RBFOX1: variants seen among roughly 807,000 people sequenced by gnomAD.
RBFOX1 encodes RNA binding fox-1 homolog 1.
RBFOX1 carries 8 observed loss-of-function variants against 57.7 expected under a neutral mutation model. That is an observed-to-expected ratio of 0.14 (90% CI 0.08 to 0.25). The LOEUF (loss-of-function observed/expected upper bound fraction) is 0.25, where lower values mean the gene tolerates loss of function less well. RBFOX1 is among the 10% of genes least tolerant of loss of function. The probability of loss-of-function intolerance (pLI) is 1.00; values close to 1 mark genes in which losing one functional copy is unlikely to be tolerated. For missense variants in RBFOX1, 611 were observed against 548.5 expected (o/e 1.11, Z -1.14); for synonymous variants, 326 against 222.4 (o/e 1.47, Z -4.15).
intron 3 of RBFOX1, among the ~76,000 whole-genome samples, chr16:6,844,213 A>G (rs987396124): frequency 1.3e-5 from 2 of 151,602 alleles, no homozygotes; most frequent in African/African-American, 4.9e-5. Context: ...TCATGTTTTA[A>G]GTTCAGGGGT....
intron 4 of RBFOX1, among the ~76,000 whole-genome samples, chr16:5,919,663 A>C (rs867126394): frequency 6.6e-6 from 1 of 152,042 alleles, no homozygotes; most frequent in African/African-American, 2.4e-5. Context: ...AAAGCGTATA[A>C]TTCCATGGTA....
At chr16:7,306,827 A>G (rs548248001) in intron 4 of RBFOX1, among the ~76,000 whole-genome samples, 29 of 152,312 alleles carry the variant, frequency 1.9e-4, no homozygotes, top group African/African-American at 7.0e-4. Flanking sequence ...TCGGCTGATT[A>G]AGAGTGTGAA....
At chr16:6,069,543 G>T (rs2095810063) in intron 1 of RBFOX1, among the ~76,000 whole-genome samples, 1 of 151,588 alleles carries the variant, frequency 6.6e-6, no homozygotes, top group Admixed American at 6.6e-5. Context: ...GATTAATTTT[G>T]GCATTCTTTA....
At chr16:7,158,990 G>T (rs993772562) in intron 4 of RBFOX1, among the ~76,000 whole-genome samples, 1 of 151,964 alleles carries the variant, frequency 6.6e-6, no homozygotes, top group African/African-American at 2.4e-5. Context: ...TCACCACAAG[G>T]ATCCCTCAGA....
At chr16:7,042,125 A>C (rs1409528301) in intron 3 of RBFOX1, among the ~76,000 whole-genome samples, 1 of 152,208 alleles carries the variant, frequency 6.6e-6, no homozygotes, top group Non-Finnish European at 1.5e-5. Flanking sequence ...TTACCTCAAT[A>C]AGCCAAGTTT....
intron 3 of RBFOX1, among the ~76,000 whole-genome samples, chr16:5,813,105 T>G (rs981669348): frequency 3.3e-5 from 5 of 151,864 alleles, no homozygotes; most frequent in African/African-American, 7.3e-5. Context: ...CCTCACAAGT[T>G]CAAGTGATTC....
chr16:6,854,139 A>C (rs2057360849), intron 3 of RBFOX1, among the ~76,000 whole-genome samples: 1 of 152,138 alleles, frequency 6.6e-6, no homozygotes, highest in Middle Eastern at 3.2e-3. Context: ...TGTAAAAGCA[A>C]CTCAAAATAT....
At chr16:6,553,640 C>G (rs770103207) in intron 2 of RBFOX1, among the ~76,000 whole-genome samples, 2 of 152,088 alleles carry the variant, frequency 1.3e-5, no homozygotes, top group Middle Eastern at 3.4e-3. Context: ...TGGACGATCT[C>G]TCTCAGGACA....
chr16:5,412,984 G>C (rs2067063520), intron 1 of RBFOX1, among the ~76,000 whole-genome samples: 1 of 152,206 alleles, frequency 6.6e-6, no homozygotes, highest in African/African-American at 2.4e-5. Context: ...AGGTGGGGTG[G>C]AGCTGGCCGT....
chr16:7,681,013 A>T (rs2074593051), intron 14 of RBFOX1, among the ~76,000 whole-genome samples: 1 of 152,178 alleles, frequency 6.6e-6, no homozygotes, highest in Non-Finnish European at 1.5e-5. Flanking sequence ...AAGTGGTCAC[A>T]AACTACATGC....
At chr16:7,197,899 C>T (rs1230348686) in intron 4 of RBFOX1, among the ~76,000 whole-genome samples, 1 of 151,428 alleles carries the variant, frequency 6.6e-6, no homozygotes, top group Non-Finnish European at 1.5e-5. Flanking sequence ...TGGGGGTTGC[C>T]AAGGGAGCAG....
chr16:6,759,187 G>C (rs1001923324), intron 3 of RBFOX1, among the ~76,000 whole-genome samples: 3 of 146,584 alleles, frequency 2.0e-5, no homozygotes, highest in Admixed American at 6.9e-5. Flanking sequence ...GTCTCGCTCT[G>C]TTGCCCAGGC....
chr16:7,335,109 A>G (rs925304904), intron 4 of RBFOX1, among the ~76,000 whole-genome samples: 1 of 152,192 alleles, frequency 6.6e-6, no homozygotes, highest in Non-Finnish European at 1.5e-5. Context: ...ACCCCAGTGC[A>G]GTAATATTTG....
chr16:6,945,686 T>G (rs2079363487), intron 3 of RBFOX1, among the ~76,000 whole-genome samples: 3 of 151,102 alleles, frequency 2.0e-5, no homozygotes, highest in Admixed American at 2.0e-4. Context: ...AGGTCAGGAG[T>G]TCAAGACCAG....
intron 1 of RBFOX1, among the ~76,000 whole-genome samples, chr16:5,240,955 C>T (rs1237795810): frequency 6.6e-6 from 1 of 152,344 alleles, no homozygotes; most frequent in African/African-American, 2.4e-5. Flanking sequence ...GTGAGGGCCG[C>T]CACCTTGATG....
intron 3 of RBFOX1, among the ~76,000 whole-genome samples, chr16:6,870,047 G>C (rs140464471): frequency 6.6e-6 from 1 of 152,052 alleles, no homozygotes; most frequent in African/African-American, 2.4e-5. Flanking sequence ...CTGGCCCTAC[G>C]AGTTTAAAAA....
intron 4 of RBFOX1, among the ~76,000 whole-genome samples, chr16:7,244,769 A>G (rs1465668315): frequency 6.6e-6 from 1 of 152,326 alleles, no homozygotes; most frequent in East Asian, 1.9e-4. Flanking sequence ...GGAGGTCATC[A>G]CACTCGAAGG....
At chr16:7,503,703 G>A (rs115425784) in intron 4 of RBFOX1, among the ~76,000 whole-genome samples, 156 of 152,284 alleles carry the variant, frequency 1.0e-3, no homozygotes, top group African/African-American at 3.6e-3. Flanking sequence ...CCCAGGAGGT[G>A]GAGAATCCCT....
chr16:5,882,129 A>C (rs1338282334), intron 4 of RBFOX1, among the ~76,000 whole-genome samples: 3 of 152,170 alleles, frequency 2.0e-5, no homozygotes, highest in Non-Finnish European at 4.4e-5. Flanking sequence ...TACACAGCCA[A>C]CCTTTGAATT....
Sources: allele counts gnomAD v4.1 joint callset (sites outside exome capture counted in the v4.1 genomes callset), GRCh38; gene constraint gnomAD v4.1.1; transcripts MANE v1.5; gene names NCBI Gene and HGNC (gene_info 2026-07-23, HGNC 2026-07-21).